TMEM164: variants seen among roughly 807,000 people sequenced by gnomAD.
TMEM164 encodes the protein transmembrane protein 164.
In TMEM164, 4 loss-of-function variants were observed where a neutral mutation model predicts 18.8. That is an observed-to-expected ratio of 0.21 (90% confidence interval 0.10 to 0.49). TMEM164 has a LOEUF of 0.49. Ranked by LOEUF, TMEM164 falls within the 20% of genes least tolerant of loss-of-function variation. TMEM164 has a pLI of 0.98. For synonymous variants in TMEM164, 86 were observed against 101.7 expected (o/e 0.85, Z 0.93); for missense variants, 108 against 239.9 (o/e 0.45, Z 3.63).
rs4035483 is a variant in TMEM164, at chrX:110,126,810, CTGTGTGTGTGTGTGTGTG to C, written c.507+17701_507+17718del. Among the ~76,000 whole-genome samples the C allele has an allele frequency of 2.4e-3, 166 of 69,573 alleles. 1 individual carries two copies. Among genetic ancestry groups the C allele is most frequent in the African/African-American group, 8.6e-3 (148 of 17,290 alleles). 60.4% of individuals were successfully genotyped at this position (69,573 alleles called of 115,157 possible). On this transcript the variant is annotated intron_variant, in intron 4 of 6. Coordinates refer to ENST00000372068, the MANE Select transcript of TMEM164 (RefSeq NM_032227.4). ...GGTTTATTTCCTGGCTGGGCCACTCCTGTGTGTGTGTGTGTGTGTGTGTGTGTGTGTGTGTGTGTGTGT... is the reference window on the plus strand; with the variant it reads ...GGTTTATTTCCTGGCTGGGCCACTCCTGTGTGTGTGTGTGTGTGTGTGTGT...
In TMEM164 at chrX:110,171,284, C is replaced by G. The variant is rs2067227384; in HGVS notation, c.587-136C>G. 4.3e-5 allele frequency: 21 copies of G among 492,958 alleles called. No homozygotes were observed. In the South Asian group the frequency reaches 6.3e-4, roughly 15 times the overall value. The allele number at this position is 492,958 out of a possible 1,213,427, so 40.6% of individuals were successfully genotyped here. A position where few individuals can be genotyped will look rare whatever the true frequency, so the allele number is the denominator to read the frequency against. On this transcript the variant is annotated intron_variant, in intron 5 of 6. Transcript: ENST00000372068. ...ACCCAGCTAATCAGTGGGGCTGTCT[C>G]TTGAGTAGTTGCCAGTGATCAGTAA... is the stretch of plus-strand genomic sequence containing the variant.
chrX:110,077,136 C>G (rs1161045135), intron 3 of TMEM164, among the ~76,000 whole-genome samples: 1 of 112,000 alleles, frequency 8.9e-6, no homozygotes. Flanking sequence ...TTTGGGTGCT[C>G]CAATGTTGGG....
intron 2 of TMEM164, chrX:110,065,249 C>T (rs1326366610): frequency 9.0e-6 from 1 of 111,389 alleles, no homozygotes; most frequent in African/African-American, 3.3e-5. Context: ...CAGCTTACCT[C>T]CTCTTGTCTG....
At chrX:110,030,105 TCTG>T (rs1381087761) in intron 2 of TMEM164, among the ~76,000 whole-genome samples, 7 of 92,089 alleles carry the variant, frequency 7.6e-5, no homozygotes, top group Admixed American at 1.3e-4. Flanking sequence ...TTTTTCTCTG[TCTG>T]TTTTTTTTTT....
chrX:110,180,079 A>C (rs1390330352), downstream of TMEM164, among the ~76,000 whole-genome samples: 2 of 112,282 alleles, frequency 1.8e-5, no homozygotes, highest in African/African-American at 6.5e-5. Context: ...TTGTGAGGGA[A>C]AAGCACTAAG....
chrX:110,173,693 C>G lies in TMEM164; in HGVS notation c.*242C>G, dbSNP rs2067259355. 3 of 400,580 alleles carry G rather than the reference C, an allele frequency of 7.5e-6. No individual in the cohort carries two copies. The South Asian group carries it at 1.2e-4, about 16-fold the overall frequency. The allele number at this position is 400,580 out of a possible 1,213,427, so 33.0% of individuals were successfully genotyped here. A position where few individuals can be genotyped will look rare whatever the true frequency, so the allele number is the denominator to read the frequency against. ...TTTTCCTCCTTCCCTTTGGCTCTCT[C>G]TCTGCTCCTAGTGGCCTTACATGGG... On this transcript the variant is annotated 3_prime_UTR_variant, in exon 7 of 7. Transcript: ENST00000372068.
chrX:110,083,048 A>C (rs1259664090), intron 3 of TMEM164, among the ~76,000 whole-genome samples: 5 of 111,204 alleles, frequency 4.5e-5, no homozygotes, highest in African/African-American at 1.6e-4. Context: ...GATGCTTTTG[A>C]TAATAGATTT....
chrX:110,100,081 C>CT (rs998741336), intron 3 of TMEM164, among the ~76,000 whole-genome samples: 2 of 111,803 alleles, frequency 1.8e-5, no homozygotes, highest in Non-Finnish European at 3.8e-5. Context: ...TTTTTAGGAG[C>CT]TTTTTTGTAG....
chrX:110,024,566 G>C (rs368963435), intron 2 of TMEM164, among the ~76,000 whole-genome samples: 37 of 112,215 alleles, frequency 3.3e-4, no homozygotes, highest in East Asian at 3.1e-3. Flanking sequence ...GAGCCACTGT[G>C]CCTGTCCTCT....
chrX:110,105,941 T>C (rs1343061221), intron 3 of TMEM164, among the ~76,000 whole-genome samples: 1 of 111,641 alleles, frequency 9.0e-6, no homozygotes, highest in Non-Finnish European at 1.9e-5. Context: ...CACTTGGAGC[T>C]TTGGTTTTCT....
At chrX:110,056,274 A>G (rs1164176436) in intron 2 of TMEM164, among the ~76,000 whole-genome samples, 1 of 110,851 alleles carries the variant, frequency 9.0e-6, no homozygotes, top group East Asian at 2.8e-4. Context: ...AAATTGAGTA[A>G]TTATAATATG....
Position 110,176,813 on chromosome X carries a change from C to G in TMEM164, c.*3362C>G, listed in dbSNP as rs1424002223. ...TAGATGTTGACCCAGAGTCCTCTGT[C>G]CCCTCCTGAAGAGGATTTTCTTACT... On this transcript the variant is annotated 3_prime_UTR_variant, in exon 7 of 7. Transcript: ENST00000372068. 2 of 112,076 alleles carry G rather than the reference C, an allele frequency of 1.8e-5. No individual in the cohort carries two copies. The highest frequency in any genetic ancestry group is 3.8e-5 in the Non-Finnish European group (2 of 53,152). 9.2% of individuals were successfully genotyped at this position (112,076 alleles called of 1,213,427 possible). A position where few individuals can be genotyped will look rare whatever the true frequency, so the allele number is the denominator to read the frequency against.
intron 2 of TMEM164, among the ~76,000 whole-genome samples, chrX:110,029,817 G>A (rs1036845599): frequency 9.0e-6 from 1 of 111,242 alleles, no homozygotes; most frequent in African/African-American, 3.3e-5. Flanking sequence ...AGCACTCTGA[G>A]CTAGTCCTCT....
chrX:110,178,144 T>G (rs768221085), downstream of TMEM164, among the ~76,000 whole-genome samples: 2 of 112,589 alleles, frequency 1.8e-5, no homozygotes, highest in African/African-American at 3.2e-5. Flanking sequence ...GGGCCAGCTC[T>G]GCACCAGCAC....
rs187584455 is a variant in TMEM164, at chrX:110,168,381, G to T, written c.587-3039G>T. Among the ~76,000 whole-genome samples, 11 of 113,081 alleles carry T rather than the reference G, an allele frequency of 9.7e-5. No homozygotes were observed. The East Asian group carries it at 3.1e-3, about 32-fold the overall frequency. Reference sequence around the variant, plus strand: ...CCCTGAGATGCACTTGGTCTAGAGGGTTGGACAGACAAGGGAAGAGACAAT... The same window carrying T: ...CCCTGAGATGCACTTGGTCTAGAGGTTTGGACAGACAAGGGAAGAGACAAT... On this transcript the variant is annotated intron_variant, in intron 5 of 6. Coordinates refer to ENST00000372068, the MANE Select transcript of TMEM164 (RefSeq NM_032227.4).
rs191833125 is a variant in TMEM164, at chrX:110,163,516, G to T, written c.587-7904G>T. Among the ~76,000 whole-genome samples the T allele has an allele frequency of 5.4e-5, 6 of 112,040 alleles. No individual in the cohort carries two copies. The East Asian group carries it at 1.7e-3, about 31-fold the overall frequency. ...CATTTCAAGTGCCCACCAGCTGCAT[G>T]TGACTAGTAACTACCACATTGGACA... On this transcript the variant is annotated intron_variant, in intron 5 of 6. Coordinates refer to ENST00000372068, the MANE Select transcript of TMEM164 (RefSeq NM_032227.4).
At chrX:110,110,495 T>C (rs1399407928) in intron 4 of TMEM164, among the ~76,000 whole-genome samples, 1 of 112,169 alleles carries the variant, frequency 8.9e-6, no homozygotes, top group Non-Finnish European at 1.9e-5. Flanking sequence ...TTGGAGAGGA[T>C]GAGTTCATGA....
intron 3 of TMEM164, among the ~76,000 whole-genome samples, chrX:110,084,431 G>GTA (rs1360980753): frequency 2.0e-4 from 14 of 69,758 alleles, no homozygotes; most frequent in Non-Finnish European, 3.4e-4. Flanking sequence ...ATATAGTATA[G>GTA]TATATATATA....
intron 5 of TMEM164, among the ~76,000 whole-genome samples, chrX:110,166,432 A>T (rs1308152152): frequency 1.8e-5 from 2 of 112,325 alleles, no homozygotes; most frequent in Non-Finnish European, 3.8e-5. Context: ...GACTCTGTAG[A>T]TGTTGAGTGA....
Sources: allele counts gnomAD v4.1 joint callset (sites outside exome capture counted in the v4.1 genomes callset), GRCh38; gene constraint gnomAD v4.1.1; transcripts MANE v1.5; gene names NCBI Gene and HGNC (gene_info 2026-07-23, HGNC 2026-07-21).